The following FRMD3 variants were observed in gnomAD, a reference collection of about 807,000 sequenced individuals.
The protein encoded by FRMD3 is FERM domain-containing protein 3.
A neutral mutation model predicts 70.2 loss-of-function variants in FRMD3; 33 were observed. The ratio of observed to expected loss-of-function variants is 0.47; its 90% CI spans 0.36 to 0.63. The LOEUF (loss-of-function observed/expected upper bound fraction) is 0.63. Ranked by LOEUF, FRMD3 falls within the 20% of genes least tolerant of loss-of-function variation. The pLI, the probability that FRMD3 is intolerant of heterozygous loss-of-function variation, is 0.00. For missense variants in FRMD3, 632 were observed against 711.4 expected, an observed-to-expected ratio of 0.89 and a Z score of 1.27; for synonymous variants, 279 against 255.9, an observed-to-expected ratio of 1.09 and a Z score of -0.86.
rs1253464007 is a variant in FRMD3 at position 83,465,772 on chromosome 9, T to C, written c.147+72313A>G. On this transcript the variant is annotated intron_variant, in intron 1 of 13. Transcript: ENST00000304195. ...TCTCAGCTTTAAAGTCAGTAGATAA[T>C]AGGGAAGAAAGTACTAGAAACTATT... Among the ~76,000 whole-genome samples the C allele has an allele frequency of 3.9e-5, 6 of 152,118 alleles. 1 individual carries two copies. The highest frequency in any genetic ancestry group is 3.9e-4 in the Admixed American group (6 of 15,266).
At chr9:83,519,966 G>A (rs766918472) in intron 1 of FRMD3, among the ~76,000 whole-genome samples, 1 of 152,138 alleles carries the variant, frequency 6.6e-6, no homozygotes, top group African/African-American at 2.4e-5. Flanking sequence ...GCACAGGGAG[G>A]GGAACATCAC....
chr9:83,491,945 G>A (rs1038617441), intron 1 of FRMD3, among the ~76,000 whole-genome samples: 1 of 152,184 alleles, frequency 6.6e-6, no homozygotes, highest in Non-Finnish European at 1.5e-5. Context: ...GCTGTTGATG[G>A]TGTTTGTTAA....
At chr9:83,263,700 A>C (rs1323782) in intron 13 of FRMD3, among the ~76,000 whole-genome samples, 1 of 152,144 alleles carries the variant, frequency 6.6e-6, no homozygotes, top group Non-Finnish European at 1.5e-5. Flanking sequence ...AGGACAATTA[A>C]TAAGAGTTTA....
rs756512319 is a variant in FRMD3 at position 83,311,917 on chromosome 9, T to A, written c.743A>T (p.Gln248Leu). ...GFTAAGFVVF[Q>L]GNKRIHLIKW... ...TATCAAATGGATTCTCTTATTTCCCTGAAAGACCACAAAGCCTGCAGCTGT... is the reference window on the plus strand; with the variant it reads ...TATCAAATGGATTCTCTTATTTCCCAGAAAGACCACAAAGCCTGCAGCTGT... Residue 248 changes from glutamine to leucine, a missense_variant, in exon 8 of 14, where the codon CAG becomes CTG. By Grantham distance (113) the Gln-to-Leu change is moderately radical. This residue lies in a region of FRMD3 where 418 missense variants were observed against 442.1 expected (regional missense o/e 0.95). Coordinates refer to ENST00000304195, the MANE Select transcript of FRMD3 (RefSeq NM_174938.6). 7 of 1,610,244 alleles carry A rather than the reference T, an allele frequency of 4.3e-6. No homozygotes were observed. In the East Asian group the frequency reaches 1.6e-4, roughly 36 times the overall value.
intron 3 of FRMD3, among the ~76,000 whole-genome samples, chr9:83,357,296 T>TA (rs1564032968): frequency 6.3e-5 from 5 of 79,574 alleles, no homozygotes; most frequent in East Asian, 4.8e-4. Flanking sequence ...TATATATATA[T>TA]AAAACATTTT....
intron 1 of FRMD3, among the ~76,000 whole-genome samples, chr9:83,424,227 C>G (rs770615913): frequency 9.2e-5 from 14 of 152,302 alleles, no homozygotes; most frequent in African/African-American, 3.4e-4. Flanking sequence ...GAATGGTAAA[C>G]ATGTCTCCTG....
intron 13 of FRMD3, among the ~76,000 whole-genome samples, chr9:83,262,181 A>T (rs558954398): frequency 1.3e-5 from 2 of 152,332 alleles, no homozygotes; most frequent in East Asian, 3.9e-4. Context: ...AATGAGATTT[A>T]CCAGGCAACT....
chr9:83,248,413 A>C lies in FRMD3; in HGVS notation c.1299T>G (p.Asp433Glu). 6.2e-7 allele frequency: 1 copy of C among 1,614,070 alleles called. No individual in the cohort carries two copies. Among genetic ancestry groups the C allele is most frequent in the Non-Finnish European group, 8.5e-7 (1 of 1,180,002 alleles). ...TGGTTAAAGGTTCTTCTTTTATTTT[A>C]TCTTCCTCTTCACTAGGGGGATCTT... ...EYEDPPSEEE[D>E]KIKEEPLTIS... Residue 433 changes from aspartate to glutamate, a missense_variant, in exon 14 of 14, where the codon GAT becomes GAG. This residue lies in a region of FRMD3 where 418 missense variants were observed against 442.1 expected (regional missense o/e 0.95). Transcript: ENST00000304195.
chr9:83,504,388 C>T (rs1327066830), intron 1 of FRMD3, among the ~76,000 whole-genome samples: 1 of 152,102 alleles, frequency 6.6e-6, no homozygotes, highest in Non-Finnish European at 1.5e-5. Context: ...CAGACCATGC[C>T]ATTCTCTACC....
Position 83,246,240 on chromosome 9 carries a change from T to A in FRMD3, c.*1678A>T, listed in dbSNP as rs1332215058. On this transcript the variant is annotated 3_prime_UTR_variant, in exon 14 of 14. Coordinates refer to ENST00000304195, the MANE Select transcript of FRMD3 (RefSeq NM_174938.6). ...AACTTTGTACATTAGGGCAGTGGAA[T>A]GTTTTCAATCCACAGAGAAGCTCTA... 3.0e-6 allele frequency: 3 copies of A among 984,936 alleles called. No homozygotes were observed. The highest frequency in any genetic ancestry group is 3.6e-6 in the Non-Finnish European group (3 of 829,672). The allele number at this position is 984,936 out of a possible 1,614,324, so 61.0% of individuals were successfully genotyped here.
At chr9:83,555,875 G>T in the FRMD3 span, among the ~76,000 whole-genome samples, 1 of 152,166 alleles carries the variant, frequency 6.6e-6, no homozygotes, top group Admixed American at 6.5e-5. Flanking sequence ...CTAACCCAAG[G>T]GTTGCAAAGA....
rs561007020 is a variant in FRMD3, at chr9:83,437,685, C to T, written c.148-47977G>A. 9.7e-4 allele frequency among the ~76,000 whole-genome samples: 147 copies of T among 152,200 alleles called. No homozygotes were observed. The Middle Eastern group carries it at 0.014, about 14-fold the overall frequency. ...ACCAAGCAGATTCCACCATTCTGAC[C>T]CAGCTGAGATTGAGCCTATAAACCA... is the stretch of plus-strand genomic sequence containing the variant. On this transcript the variant is annotated intron_variant, in intron 1 of 13. Coordinates refer to ENST00000304195, the MANE Select transcript of FRMD3 (RefSeq NM_174938.6).
intron 1 of FRMD3, among the ~76,000 whole-genome samples, chr9:83,418,837 T>C (rs1296061687): frequency 2.0e-5 from 3 of 152,250 alleles, no homozygotes; most frequent in Non-Finnish European, 4.4e-5. Flanking sequence ...TGTATGTTTA[T>C]AGCTGCACAG....
intron 1 of FRMD3, 57 bp from the exon 2 acceptor site, chr9:83,389,765 T>C: frequency 8.2e-7 from 1 of 1,218,834 alleles, no homozygotes; most frequent in Non-Finnish European, 1.2e-6. Context: ...ATTCACGTCC[T>C]CAGGGAGCCT....
At chr9:83,413,054 A>T (rs576711485) in intron 1 of FRMD3, among the ~76,000 whole-genome samples, 15 of 152,282 alleles carry the variant, frequency 9.9e-5, no homozygotes, top group African/African-American at 1.4e-4. Context: ...AAAAGAAAAA[A>T]ATATGGTTCT....
intron 4 of FRMD3, among the ~76,000 whole-genome samples, chr9:83,344,578 C>T (rs1823887085): frequency 6.6e-6 from 1 of 152,184 alleles, no homozygotes; most frequent in Non-Finnish European, 1.5e-5. Flanking sequence ...TGCCTGACTG[C>T]TTAAGCTGGG....
At chr9:83,269,552 C>CA (rs961102714) in intron 13 of FRMD3, among the ~76,000 whole-genome samples, 3 of 151,822 alleles carry the variant, frequency 2.0e-5, no homozygotes, top group Admixed American at 6.6e-5. Flanking sequence ...ATTAAAAATA[C>CA]AAAAAAATTA....
chr9:83,511,856 G>T (rs1326321128), intron 1 of FRMD3, among the ~76,000 whole-genome samples: 1 of 152,198 alleles, frequency 6.6e-6, no homozygotes, highest in African/African-American at 2.4e-5. Flanking sequence ...GGAGCAGGTG[G>T]TGCCTAGTCT....
At chr9:83,554,979 C>A in the FRMD3 span, among the ~76,000 whole-genome samples, 4 of 152,206 alleles carry the variant, frequency 2.6e-5, no homozygotes, top group African/African-American at 7.2e-5. Context: ...TAGCAGGCAG[C>A]CTGTCCCTCC....
Sources: gnomAD v4.1 joint callset for allele counts (sites outside exome capture counted in the v4.1 genomes callset) on GRCh38, gnomAD v4.1.1 for gene constraint, gnomAD v4.1.1 regional missense constraint, MANE v1.5 for transcripts, NCBI Gene and HGNC (gene_info 2026-07-23, HGNC 2026-07-21) for gene names.